PCDH15: variants seen among roughly 807,000 people sequenced by gnomAD.
PCDH15 encodes the protein protocadherin-15.
PCDH15 carries 129 observed loss-of-function variants against 178.5 expected under a neutral mutation model. The ratio of observed to expected loss-of-function variants is 0.72; its 90% CI spans 0.63 to 0.84. The LOEUF is 0.84. Ranked by LOEUF, PCDH15 falls within the 40% of genes least tolerant of loss-of-function variation. The probability of loss-of-function intolerance (pLI) is 0.00; values close to 1 mark genes in which losing one functional copy is unlikely to be tolerated. For missense variants in PCDH15, 2,230 were observed against 2,099.9 expected, an observed-to-expected ratio of 1.06 and a Z score of -1.21; for synonymous variants, 800 against 732.0, an observed-to-expected ratio of 1.09 and a Z score of -1.50.
At position 54,872,712 on chromosome 10, in the gene PCDH15, T is replaced by G. The variant is rs1026002753; in HGVS notation, c.-29+24738A>C. Among the ~76,000 whole-genome samples the G allele has an allele frequency of 4.6e-5, 7 of 152,096 alleles. No individual in the cohort carries two copies. In the East Asian group the frequency reaches 1.2e-3, roughly 25 times the overall value. ...TGCATCATGCTCGATATACTTAGAT[T>G]ATGAGATTTTTGTCACTGGGAGCCA... On this transcript the variant is annotated intron_variant, in intron 3 of 5. Transcript: ENST00000458638.
intron 2 of PCDH15, among the ~76,000 whole-genome samples, chr10:55,086,385 TAAAC>T (rs1173792799): frequency 1.3e-5 from 2 of 152,066 alleles, no homozygotes; most frequent in Non-Finnish European, 2.9e-5. Flanking sequence ...TAAAAAGTGA[TAAAC>T]AAATCAAAAA....
chr10:55,444,498 C>T (rs1839271165), intron 2 of PCDH15, among the ~76,000 whole-genome samples: 1 of 151,620 alleles, frequency 6.6e-6, no homozygotes, highest in Non-Finnish European at 1.5e-5. Flanking sequence ...AGTGAACATT[C>T]CTGATATGAT....
chr10:54,305,583 C>G (rs577127745), intron 8 of PCDH15, among the ~76,000 whole-genome samples: 2 of 151,970 alleles, frequency 1.3e-5, no homozygotes, highest in Non-Finnish European at 2.9e-5. Flanking sequence ...TAGGGAAAGT[C>G]TCTGTTTTCA....
At chr10:53,823,422 G>T (rs368423674) in intron 32 of PCDH15, 123 of 1,480,452 alleles carry the variant, frequency 8.3e-5, no homozygotes, top group Non-Finnish European at 9.6e-5. Context: ...TCATGAGAAA[G>T]ATGTTTTTAT....
chr10:54,792,151 AG>A (rs1951478524), intron 1 of PCDH15, among the ~76,000 whole-genome samples: 1 of 151,888 alleles, frequency 6.6e-6, no homozygotes, highest in Non-Finnish European at 1.5e-5. Context: ...AGGTCCAAAA[AG>A]CTCCAAGAAA....
chr10:55,226,624 C>T (rs565458906), intron 1 of PCDH15, among the ~76,000 whole-genome samples: 7 of 152,004 alleles, frequency 4.6e-5, no homozygotes, highest in Admixed American at 2.6e-4. Flanking sequence ...TCAGGTGATC[C>T]GCCCGCCTCG....
chr10:54,073,177 T>G (rs1346947674), intron 17 of PCDH15, among the ~76,000 whole-genome samples: 1 of 151,398 alleles, frequency 6.6e-6, no homozygotes, highest in Non-Finnish European at 1.5e-5. Context: ...CATGTTTTTA[T>G]ATAAATATAT....
chr10:55,503,603 A>T (rs1465426125), intron 2 of PCDH15, among the ~76,000 whole-genome samples: 3 of 151,336 alleles, frequency 2.0e-5, no homozygotes, highest in African/African-American at 4.8e-5. Flanking sequence ...AGAATAAAAC[A>T]TCATTTATAT....
intron 2 of PCDH15, among the ~76,000 whole-genome samples, chr10:55,144,086 T>TA (rs1341601817): frequency 6.6e-6 from 1 of 152,060 alleles, no homozygotes; most frequent in African/African-American, 2.4e-5. Flanking sequence ...TGGGCACACT[T>TA]ACATGTCAGA....
intron 1 of PCDH15, among the ~76,000 whole-genome samples, chr10:54,685,225 T>C (rs549904167): frequency 5.9e-5 from 9 of 152,202 alleles, no homozygotes; most frequent in Non-Finnish European, 1.0e-4. Flanking sequence ...TGCCTTCTTC[T>C]GGAATATCTC....
intron 2 of PCDH15, among the ~76,000 whole-genome samples, chr10:54,601,872 G>A (rs2092552186): frequency 6.6e-6 from 1 of 151,826 alleles, no homozygotes; most frequent in Non-Finnish European, 1.5e-5. Context: ...CTAATACAGG[G>A]ACAGAAAAAC....
chr10:54,107,691 T>C (rs76010171), intron 15 of PCDH15, among the ~76,000 whole-genome samples: 1 of 152,178 alleles, frequency 6.6e-6, no homozygotes, highest in East Asian at 1.9e-4. Context: ...TGGGGTGTCC[T>C]AGACTGAGTG....
intron 2 of PCDH15, among the ~76,000 whole-genome samples, chr10:55,595,904 T>C (rs1842927290): frequency 6.6e-6 from 1 of 152,090 alleles, no homozygotes; most frequent in Admixed American, 6.6e-5. Context: ...AGATACATAT[T>C]ATAGTGCCCA....
intron 23 of PCDH15, among the ~76,000 whole-genome samples, chr10:53,956,403 C>T (rs1479078147): frequency 1.3e-5 from 2 of 152,054 alleles, no homozygotes; most frequent in East Asian, 1.9e-4. Context: ...AATCATTAGC[C>T]TTAAGTTTCT....
At chr10:54,110,119 G>C (rs1448164399) in intron 15 of PCDH15, among the ~76,000 whole-genome samples, 1 of 152,110 alleles carries the variant, frequency 6.6e-6, no homozygotes, top group East Asian at 1.9e-4. Flanking sequence ...GGTTGTCGGT[G>C]GGGTGAGGGC....
chr10:55,397,363 T>G (rs930987140), intron 2 of PCDH15, among the ~76,000 whole-genome samples: 6 of 152,192 alleles, frequency 3.9e-5, no homozygotes, highest in Non-Finnish European at 7.3e-5. Context: ...CACGTCATTA[T>G]TCTCTTTTTT....
At chr10:55,262,046 A>C in intron 1 of PCDH15, among the ~76,000 whole-genome samples, 1 of 149,338 alleles carries the variant, frequency 6.7e-6, no homozygotes, top group Admixed American at 6.7e-5. Context: ...GAGGGAGGGA[A>C]AAAGGAAGGG....
chr10:55,045,670 A>C (rs565463997), intron 2 of PCDH15, among the ~76,000 whole-genome samples: 1 of 152,270 alleles, frequency 6.6e-6, no homozygotes, highest in South Asian at 2.1e-4. Context: ...TAATTCTTTA[A>C]GAGAACAAAA....
intron 1 of PCDH15, among the ~76,000 whole-genome samples, chr10:55,207,479 A>C (rs1051721028): frequency 3.9e-5 from 6 of 152,106 alleles, no homozygotes; most frequent in Non-Finnish European, 7.3e-5. Flanking sequence ...AGAAACTCTG[A>C]ATTTGTTGTG....
Sources: allele counts gnomAD v4.1 joint callset (sites outside exome capture counted in the v4.1 genomes callset), GRCh38; gene constraint gnomAD v4.1.1; transcripts MANE v1.5; gene names NCBI Gene and HGNC (gene_info 2026-07-23, HGNC 2026-07-21).